ASIC2: variants seen among roughly 807,000 people sequenced by gnomAD.
The protein encoded by ASIC2 is acid-sensing ion channel 2.
In ASIC2, 25 loss-of-function variants were observed where a neutral mutation model predicts 57.3. The ratio of observed to expected loss-of-function variants is 0.44; its 90% CI spans 0.32 to 0.61. The LOEUF is 0.61. ASIC2 is among the 20% of genes least tolerant of loss of function. The pLI, the probability that ASIC2 is intolerant of heterozygous loss-of-function variation, is 0.06. For missense variants in ASIC2, 641 were observed against 738.1 expected, an observed-to-expected ratio of 0.87 and a Z score of 1.52; for synonymous variants, 319 against 307.5, an observed-to-expected ratio of 1.04 and a Z score of -0.39.
At chr17:33,046,994 C>T (rs565471868) in intron 3 of ASIC2, among the ~76,000 whole-genome samples, 4 of 152,376 alleles carry the variant, frequency 2.6e-5, no homozygotes, top group African/African-American at 7.2e-5. Context: ...TCCCTGCACT[C>T]GTGATGCCGC....
chr17:34,009,192 G>A (rs1906630416), intron 1 of ASIC2, among the ~76,000 whole-genome samples: 1 of 152,058 alleles, frequency 6.6e-6, no homozygotes, highest in African/African-American at 2.4e-5. Context: ...GAAGTCAAAT[G>A]AACAGAGACT....
intron 1 of ASIC2, among the ~76,000 whole-genome samples, chr17:33,494,382 G>A (rs1319732677): frequency 2.0e-5 from 3 of 152,190 alleles, no homozygotes; most frequent in African/African-American, 7.2e-5. Context: ...TTGGAGCCAA[G>A]ACTAATGATC....
intron 1 of ASIC2, among the ~76,000 whole-genome samples, chr17:34,012,495 T>C (rs994703909): frequency 2.0e-5 from 3 of 152,180 alleles, no homozygotes; most frequent in Admixed American, 1.3e-4. Flanking sequence ...TCCCTGTGAT[T>C]CTTGGTCTGC....
intron 8 of ASIC2, among the ~76,000 whole-genome samples, chr17:33,016,742 G>A (rs966730256): frequency 1.3e-5 from 2 of 151,994 alleles, no homozygotes; most frequent in African/African-American, 2.4e-5. Context: ...GACAGAACAT[G>A]GTTCTGCAGG....
At chr17:33,949,221 A>T (rs1904481755) in intron 1 of ASIC2, among the ~76,000 whole-genome samples, 3 of 152,220 alleles carry the variant, frequency 2.0e-5, no homozygotes, top group Admixed American at 2.0e-4. Flanking sequence ...TTGTGGACAC[A>T]AAGTGATTGT....
intron 1 of ASIC2, among the ~76,000 whole-genome samples, chr17:33,521,047 T>C (rs2141955081): frequency 6.6e-6 from 1 of 152,186 alleles, no homozygotes; most frequent in Admixed American, 6.5e-5. Flanking sequence ...ATAATTATTA[T>C]TATTATTTCA....
At chr17:33,680,301 A>G (rs7210524) in intron 1 of ASIC2, among the ~76,000 whole-genome samples, 6,282 of 152,148 alleles carry the variant, frequency 0.041, 312 homozygotes, top group African/African-American at 0.12. Flanking sequence ...CAGCTGCCTG[A>G]CCTGCAGGGA....
intron 1 of ASIC2, among the ~76,000 whole-genome samples, chr17:33,328,287 C>A (rs1271889239): frequency 6.6e-6 from 1 of 152,148 alleles, no homozygotes; most frequent in Non-Finnish European, 1.5e-5. Context: ...AGTGAGAAGT[C>A]TGGGTTCAGC....
intron 6 of ASIC2, among the ~76,000 whole-genome samples, chr17:33,023,325 T>C (rs561412324): frequency 6.6e-6 from 1 of 151,956 alleles, no homozygotes; most frequent in East Asian, 1.9e-4. Flanking sequence ...CTGTCTCTAC[T>C]AAAAATACAA....
chr17:33,277,999 A>C (rs970583517), intron 1 of ASIC2, among the ~76,000 whole-genome samples: 2 of 152,156 alleles, frequency 1.3e-5, no homozygotes, highest in African/African-American at 4.8e-5. Flanking sequence ...CAGTGTGGGA[A>C]GGAAGAAGAC....
At chr17:34,014,394 T>C (rs1431211822) in intron 1 of ASIC2, among the ~76,000 whole-genome samples, 1 of 152,210 alleles carries the variant, frequency 6.6e-6, no homozygotes, top group East Asian at 1.9e-4. Context: ...AGTAAGTTTC[T>C]GGGCTTTGCA....
chr17:33,359,431 A>T (rs115815927), intron 1 of ASIC2, among the ~76,000 whole-genome samples: 1,619 of 152,282 alleles, frequency 0.011, 39 homozygotes, highest in African/African-American at 0.037. Context: ...ACATGAATCC[A>T]TGGTATGAGG....
intron 1 of ASIC2, among the ~76,000 whole-genome samples, chr17:33,533,021 T>C (rs1237476393): frequency 6.6e-6 from 1 of 152,196 alleles, no homozygotes; most frequent in East Asian, 1.9e-4. Flanking sequence ...CCCTTGAACT[T>C]GATATTCAAA....
intron 3 of ASIC2, among the ~76,000 whole-genome samples, chr17:33,077,651 C>CAA: frequency 6.6e-6 from 1 of 152,116 alleles, no homozygotes; most frequent in African/African-American, 2.4e-5. Context: ...ATTTACTAGC[C>CAA]CACAGAGAAT....
intron 1 of ASIC2, among the ~76,000 whole-genome samples, chr17:33,755,024 A>G (rs1357019668): frequency 1.3e-5 from 2 of 150,218 alleles, no homozygotes; most frequent in African/African-American, 4.9e-5. Context: ...TGTATAACAA[A>G]AAGGACTTTG....
At chr17:33,867,391 C>T (rs886676972) in intron 1 of ASIC2, among the ~76,000 whole-genome samples, 1 of 152,120 alleles carries the variant, frequency 6.6e-6, no homozygotes, top group Non-Finnish European at 1.5e-5. Context: ...ATTTATTATT[C>T]TTCCCTGTTT....
chr17:34,085,029 T>C (rs1342366105), intron 1 of ASIC2, among the ~76,000 whole-genome samples: 4 of 152,214 alleles, frequency 2.6e-5, no homozygotes, highest in African/African-American at 9.7e-5. Flanking sequence ...ATACCCTTTA[T>C]TTCCTTCTCC....
chr17:33,668,806 T>C (rs1907560716), intron 1 of ASIC2, among the ~76,000 whole-genome samples: 1 of 152,206 alleles, frequency 6.6e-6, no homozygotes, highest in Non-Finnish European at 1.5e-5. Context: ...TGGTATACAG[T>C]AAGTGTTCAT....
intron 1 of ASIC2, among the ~76,000 whole-genome samples, chr17:33,168,838 A>T (rs1597613656): frequency 6.6e-6 from 1 of 152,358 alleles, no homozygotes; most frequent in Non-Finnish European, 1.5e-5. Context: ...GTCTGGTCAT[A>T]TAAAGAACAA....
Sources: gnomAD v4.1 joint callset for allele counts (sites outside exome capture counted in the v4.1 genomes callset) on GRCh38, gnomAD v4.1.1 for gene constraint, MANE v1.5 for transcripts, NCBI Gene and HGNC (gene_info 2026-07-23, HGNC 2026-07-21) for gene names.